Variants in RAB11FIP4 observed in about 807,000 individuals in gnomAD.
RAB11FIP4 encodes the protein RAB11 family interacting protein 4.
Under a neutral mutation model 74.3 loss-of-function variants are expected in RAB11FIP4, and 23 were observed. The observed-to-expected ratio is 0.31, with a 90% CI of 0.22 to 0.44. The LOEUF is 0.44. Among genes scored for constraint, RAB11FIP4 ranks in the 20% least tolerant of loss-of-function variants. RAB11FIP4 has a pLI of 1.00. For missense variants in RAB11FIP4, 630 were observed against 863.9 expected (o/e 0.73, Z 3.39); for synonymous variants, 360 against 359.9 (o/e 1.00, Z 0.00).
intron 3 of RAB11FIP4, among the ~76,000 whole-genome samples, chr17:31,456,278 CA>C (rs2071577888): frequency 7.2e-6 from 1 of 139,496 alleles, no homozygotes; most frequent in Non-Finnish European, 1.6e-5. Flanking sequence ...AGTGCAGTGG[CA>C]CAATCTTGGC....
rs1167119076 is a variant in RAB11FIP4, at chr17:31,391,727, A to C, written c.-126A>C. On this transcript the variant is annotated 5_prime_UTR_variant, in exon 1 of 15. Transcript: ENST00000621161. ...CTGACACGGATCGGCCGCGGCCGCC[A>C]CCGGGCGGAGGCTGCGCGGCGCAGA... 2 of 712,318 alleles carry C rather than the reference A, an allele frequency of 2.8e-6. No individual in the cohort carries two copies. The highest frequency in any genetic ancestry group is 3.4e-6 in the Non-Finnish European group (2 of 587,946). The allele number at this position is 712,318 out of a possible 1,614,324, so 44.1% of individuals were successfully genotyped here.
chr17:31,517,222 G>GGGGGGGGGGGGGGGA (rs2072573853), intron 3 of RAB11FIP4, among the ~76,000 whole-genome samples: 1 of 95,582 alleles, frequency 1.0e-5, no homozygotes, highest in Non-Finnish European at 2.2e-5. Context: ...GGGCGGGGGG[G>GGGGGGGGGGGGGGGA]AAGGGGATGC....
intron 3 of RAB11FIP4, among the ~76,000 whole-genome samples, chr17:31,487,329 A>T (rs1017698512): frequency 6.6e-6 from 1 of 152,182 alleles, no homozygotes; most frequent in African/African-American, 2.4e-5. Flanking sequence ...TATGTTGCCC[A>T]GGCTGGTCTC....
At chr17:31,500,828 T>G in intron 3 of RAB11FIP4, among the ~76,000 whole-genome samples, 1 of 152,014 alleles carries the variant, frequency 6.6e-6, no homozygotes, top group East Asian at 1.9e-4. Flanking sequence ...ATCGAGACCA[T>G]CCTGGCCAAC....
intron 3 of RAB11FIP4, among the ~76,000 whole-genome samples, chr17:31,445,578 A>ATTTTTT (rs61393689): frequency 3.1e-4 from 5 of 16,276 alleles, no homozygotes; most frequent in Non-Finnish European, 4.4e-4. Flanking sequence ...ATATATATAT[A>ATTTTTT]TTTTTTTTTT....
intron 3 of RAB11FIP4, among the ~76,000 whole-genome samples, chr17:31,481,737 G>A (rs2071851440): frequency 6.6e-6 from 1 of 152,158 alleles, no homozygotes; most frequent in South Asian, 2.1e-4. Context: ...TGTTAGGGAG[G>A]AAACACTGGT....
chr17:31,529,470 C>T (rs2072828887), intron 13 of RAB11FIP4, among the ~76,000 whole-genome samples: 1 of 152,024 alleles, frequency 6.6e-6, no homozygotes, highest in Non-Finnish European at 1.5e-5. Context: ...TGGGGTCTCC[C>T]TATATTGCCC....
Position 31,532,488 on chromosome 17 carries a change from G to C in RAB11FIP4, c.*756G>C, listed in dbSNP as rs2290436. 1.3e-5 allele frequency: 2 copies of C among 152,472 alleles called. No individual in the cohort carries two copies. The highest frequency in any genetic ancestry group is 2.4e-5 in the African/African-American group (1 of 41,384). 9.4% of individuals were successfully genotyped at this position (152,472 alleles called of 1,614,324 possible). ...AAGACAATGAAGCAGCATTCACTGC[G>C]TCATTGTAACATGAAGGGATAAAAA... On this transcript the variant is annotated 3_prime_UTR_variant, in exon 15 of 15. Transcript: ENST00000621161.
Position 31,536,934 on chromosome 17 carries a change from TCG to T in RAB11FIP4, c.*5203_*5204del, listed in dbSNP as rs1276855831. On this transcript the variant is annotated 3_prime_UTR_variant, in exon 15 of 15. Transcript: ENST00000621161. ...CCCATATGACCTCCCTGCCCCGACC[TCG>T]TAGGTTGCTCCTTTCCCCATCTGTA... is the stretch of plus-strand genomic sequence containing the variant. 7.5e-6 allele frequency: 3 copies of T among 398,874 alleles called. No homozygotes were observed. Among genetic ancestry groups the T allele is most frequent in the Non-Finnish European group, 1.3e-5 (3 of 226,096 alleles). 24.7% of individuals were successfully genotyped at this position (398,874 alleles called of 1,614,324 possible). A position where few individuals can be genotyped will look rare whatever the true frequency, so the allele number is the denominator to read the frequency against.
chr17:31,513,626 G>A (rs544081049), intron 3 of RAB11FIP4, among the ~76,000 whole-genome samples: 64 of 152,356 alleles, frequency 4.2e-4, no homozygotes, highest in Admixed American at 3.9e-3. Context: ...TAACCAAGGC[G>A]TGCAGTAAAC....
At chr17:31,508,764 G>T (rs908638602) in intron 3 of RAB11FIP4, among the ~76,000 whole-genome samples, 1 of 152,180 alleles carries the variant, frequency 6.6e-6, no homozygotes. Flanking sequence ...GAGCTCCCAG[G>T]AGGTTATCTG....
At chr17:31,511,964 A>G (rs907037495) in intron 3 of RAB11FIP4, among the ~76,000 whole-genome samples, 2 of 152,228 alleles carry the variant, frequency 1.3e-5, no homozygotes, top group African/African-American at 4.8e-5. Flanking sequence ...AGGGTGGGAC[A>G]GTGGGACAGC....
At chr17:31,455,527 AT>A (rs2071570881) in intron 3 of RAB11FIP4, among the ~76,000 whole-genome samples, 1 of 152,142 alleles carries the variant, frequency 6.6e-6, no homozygotes, top group Non-Finnish European at 1.5e-5. Flanking sequence ...AGGGTGGCAT[AT>A]TTGGATCCCC....
intron 3 of RAB11FIP4, among the ~76,000 whole-genome samples, chr17:31,503,194 G>T (rs1181838831): frequency 6.6e-6 from 1 of 151,026 alleles, no homozygotes; most frequent in Non-Finnish European, 1.5e-5. Flanking sequence ...CACCACGCCT[G>T]GCTAATTTTT....
At position 31,538,156 on chromosome 17, in the gene RAB11FIP4, C is replaced by A. The variant is rs1172011808; in HGVS notation, c.*6424C>A. On this transcript the variant is annotated 3_prime_UTR_variant, in exon 15 of 15. Transcript: ENST00000621161. ...GGAACAGGCTGTTGGTGGCAGGCTC[C>A]TCCCGGGGAGCTGTACTGTACAGAC... The A allele has an allele frequency of 6.6e-6, 1 of 152,336 alleles. No individual in the cohort carries two copies. The highest frequency in any genetic ancestry group is 1.5e-5 in the Non-Finnish European group (1 of 68,126). 9.4% of individuals were successfully genotyped at this position (152,336 alleles called of 1,614,324 possible).
rs946976924 is a variant in RAB11FIP4, at chr17:31,525,247, A to G, written c.1274+17A>G. On this transcript the variant is annotated intron_variant, in intron 10 of 14. Transcript: ENST00000621161. ...CAATGCCAGGTGGGCCCCTCCACCG[A>G]GCCCCCTCCCTCAGAGGGACCCCCT... is the stretch of plus-strand genomic sequence containing the variant. The G allele has an allele frequency of 1.3e-6, 2 of 1,537,552 alleles. No individual in the cohort carries two copies. The highest frequency in any genetic ancestry group is 2.7e-5 in the African/African-American group (2 of 72,866).
At chr17:31,526,476 CTG>C (rs2072769174) in intron 10 of RAB11FIP4, 1 of 152,282 alleles carries the variant, frequency 6.6e-6, no homozygotes, top group Admixed American at 6.5e-5. Context: ...GAATTCCTCT[CTG>C]GAGCCCAGAG....
intron 3 of RAB11FIP4, among the ~76,000 whole-genome samples, chr17:31,441,629 G>T (rs1034099643): frequency 6.6e-6 from 1 of 151,920 alleles, no homozygotes; most frequent in Non-Finnish European, 1.5e-5. Flanking sequence ...CCGGGTTCAA[G>T]CAATTCTCCT....
chr17:31,465,421 C>CGG (rs945731578), intron 3 of RAB11FIP4: 2 of 151,580 alleles, frequency 1.3e-5, no homozygotes, highest in African/African-American at 4.9e-5. Flanking sequence ...CCCAGAGCTC[C>CGG]AGGCCTATGC....
Sources: gnomAD v4.1 joint callset for allele counts (sites outside exome capture counted in the v4.1 genomes callset) on GRCh38, gnomAD v4.1.1 for gene constraint, MANE v1.5 for transcripts, NCBI Gene and HGNC (gene_info 2026-07-23, HGNC 2026-07-21) for gene names.